Variants in CYP2C8 observed in about 807,000 individuals in gnomAD.
CYP2C8 encodes cytochrome P450 family 2 subfamily C member 8.
CYP2C8 carries 51 observed loss-of-function variants against 41.3 expected under a neutral mutation model. The ratio of observed to expected loss-of-function variants is 1.24; its 90% CI spans 0.99 to 1.56. The LOEUF is 1.56. Among genes scored for constraint, CYP2C8 ranks in the 40% most tolerant of loss-of-function variants. The pLI, the probability that CYP2C8 is intolerant of heterozygous loss-of-function variation, is 0.00. For synonymous variants in CYP2C8, 218 were observed against 205.8 expected (o/e 1.06, Z -0.51); for missense variants, 651 against 579.9 (o/e 1.12, Z -1.26).
At position 95,067,556 on chromosome 10, in the gene CYP2C8, T is replaced by C. The variant is rs780189252; in HGVS notation, c.304A>G (p.Ile102Val). The C allele has an allele frequency of 1.1e-5, 18 of 1,614,036 alleles. 1 individual carries two copies. In the Middle Eastern group the frequency reaches 8.2e-4, roughly 74 times the overall value. The change falls in exon 2 of 9, where the codon ATA (isoleucine) becomes GTA (valine). Residue 102 changes from isoleucine to valine, a missense_variant. Ile to Val is a conservative substitution (Grantham distance 29, BLOSUM62 3). Transcript: ENST00000371270. ...EEFSGRGNSP[I>V]SQRITKGLGI... ...AGTCCTTTAGTAATTCTTTGAGATA[T>C]TGGGGAATTGCCTCTTCCAGAAAAC...
chr10:95,053,434 A>G (rs2033248536), intron 5 of CYP2C8, among the ~76,000 whole-genome samples: 1 of 152,208 alleles, frequency 6.6e-6, no homozygotes, highest in South Asian at 2.1e-4. Flanking sequence ...TCAAAGGATT[A>G]TAAATCATTC....
intron 3 of CYP2C8, 141 bp from the exon 4 acceptor site, chr10:95,065,101 A>T (rs2033532353): frequency 2.7e-6 from 2 of 736,156 alleles, no homozygotes; most frequent in Non-Finnish European, 3.8e-6. Context: ...ATCAGCATGG[A>T]TGAAATAAAC....
chr10:95,052,254 T>C (rs777974888), intron 5 of CYP2C8, among the ~76,000 whole-genome samples: 31 of 152,038 alleles, frequency 2.0e-4, no homozygotes, highest in Admixed American at 5.9e-4. Context: ...AATTGAACCA[T>C]GAAGAAATCC....
At chr10:95,059,687 C>T (rs1289942290) in intron 4 of CYP2C8, among the ~76,000 whole-genome samples, 1 of 152,118 alleles carries the variant, frequency 6.6e-6, no homozygotes, top group African/African-American at 2.4e-5. Context: ...GTTGCCATTG[C>T]TTTTGGTGTT....
intron 3 of CYP2C8, 79 bp downstream of exon 3, chr10:95,067,128 AC>A (rs2033585856): frequency 2.5e-6 from 4 of 1,596,892 alleles, no homozygotes; most frequent in Non-Finnish European, 2.6e-6. Flanking sequence ...AGACCTGGCC[AC>A]CCCTGAAATG....
At chr10:95,048,977 TTAAAC>T (rs1252786705) in intron 5 of CYP2C8, among the ~76,000 whole-genome samples, 3 of 152,090 alleles carry the variant, frequency 2.0e-5, no homozygotes, top group Non-Finnish European at 2.9e-5. Flanking sequence ...TGGGACCTAA[TTAAAC>T]TAAAGAGCTT....
chr10:95,043,016 A>G lies in CYP2C8; in HGVS notation c.1023T>C (p.Asp341=), dbSNP rs1462446509. ...IGRHRSPCMQ[D]RSHMPYTDAV... ...CATCAGTGTAAGGCATGTGGCTCCT[A>G]TCCTGCATGCAGGGGCTCCTGTGTC... is the stretch of plus-strand genomic sequence containing the variant. Residue 341 remains aspartate (D), a synonymous_variant, in exon 7 of 9, where the codon GAT becomes GAC. Transcript: ENST00000371270. 1.9e-6 allele frequency: 3 copies of G among 1,614,088 alleles called. No individual in the cohort carries two copies. The highest frequency in any genetic ancestry group is 2.5e-6 in the Non-Finnish European group (3 of 1,180,014).
chr10:95,054,514 A>C (rs142559206), intron 5 of CYP2C8, among the ~76,000 whole-genome samples: 1 of 152,286 alleles, frequency 6.6e-6, no homozygotes, highest in African/African-American at 2.4e-5. Context: ...AAGTATATCC[A>C]ATTTCACTAC....
At chr10:95,054,061 G>A (rs920920626) in intron 5 of CYP2C8, among the ~76,000 whole-genome samples, 1 of 151,886 alleles carries the variant, frequency 6.6e-6, no homozygotes, top group African/African-American at 2.4e-5. Context: ...TAAAATCAGG[G>A]GGTAAAAAAA....
Position 95,064,898 on chromosome 10 carries a change from C to A in CYP2C8, c.544G>T (p.Val182Phe), listed in dbSNP as rs147150224. The A allele has an allele frequency of 6.2e-7, 1 of 1,613,566 alleles. No homozygotes were observed. Among genetic ancestry groups the A allele is most frequent in the East Asian group, 2.2e-5 (1 of 44,852 alleles). ...TTATAATCAAATCGTTTCTGGAAAA[C>A]AACGGAGCAGATCACATTGCAGGGA... ...CAPCNVICSVVFQKRFDYKDQ... is the reference protein window; with the variant it reads ...CAPCNVICSVFFQKRFDYKDQ... Residue 182 changes from valine to phenylalanine, a missense_variant, in exon 4 of 9, where the codon GTT becomes TTT. Transcript: ENST00000371270.
chr10:95,044,779 A>G (rs1442843744), intron 6 of CYP2C8, among the ~76,000 whole-genome samples: 1 of 152,076 alleles, frequency 6.6e-6, no homozygotes, highest in East Asian at 1.9e-4. Context: ...TGGGCAGGAG[A>G]GCCTCCCTTT....
At chr10:95,067,121 C>A (rs879625531) in intron 3 of CYP2C8, 87 bp downstream of exon 3, 3 of 1,589,858 alleles carry the variant, frequency 1.9e-6, no homozygotes, top group South Asian at 1.1e-5. Context: ...GCAATGAAGA[C>A]CTGGCCACCC....
intron 7 of CYP2C8, chr10:95,039,505 A>T (rs568231724): frequency 6.3e-5 from 11 of 173,298 alleles, no homozygotes; most frequent in Admixed American, 1.7e-4. Context: ...TGCAATAAGA[A>T]GTAAAAACTA....
At position 95,067,580 on chromosome 10, in the gene CYP2C8, A is replaced by T; in HGVS notation, c.280T>A (p.Phe94Ile). Residue 94 changes from phenylalanine (F) to isoleucine (I), a missense_variant, in exon 2 of 9, where the codon TTT (phenylalanine) becomes ATT (isoleucine). Physicochemically the swap from Phe to Ile is conservative, Grantham distance 21. Coordinates refer to ENST00000371270, the MANE Select transcript of CYP2C8 (RefSeq NM_000770.3). ...ATTGGGGAATTGCCTCTTCCAGAAA[A>T]CTCCTCTCCATTATCAATCAGGGCT... ...KEALIDNGEE[F>I]SGRGNSPISQ... 6.2e-7 allele frequency: 1 copy of T among 1,612,874 alleles called. No homozygotes were observed. Among genetic ancestry groups the T allele is most frequent in the Non-Finnish European group, 8.5e-7 (1 of 1,179,710 alleles).
chr10:95,057,888 T>C (rs2134427651), intron 5 of CYP2C8, among the ~76,000 whole-genome samples: 1 of 152,244 alleles, frequency 6.6e-6, no homozygotes, highest in Non-Finnish European at 1.5e-5. Context: ...ACTCATTCCA[T>C]CTGAAACCTT....
At position 95,062,276 on chromosome 10, in the gene CYP2C8, A is replaced by C. The variant is rs55678425; in HGVS notation, c.642+2524T>G. Among the ~76,000 whole-genome samples the C allele has an allele frequency of 6.9e-3, 1,046 of 152,230 alleles. 15 individuals are homozygous for C. Among genetic ancestry groups the C allele is most frequent in the African/African-American group, 0.024 (1,007 of 41,536 alleles). On this transcript the variant is annotated intron_variant, in intron 4 of 8. Coordinates refer to ENST00000371270, the MANE Select transcript of CYP2C8 (RefSeq NM_000770.3). Reference sequence around the variant, plus strand: ...CCCATTATTGTTGTGTGGGAGTCTAAGTCTCTTTATAGGTCTCTAAGGACT... The same window carrying C: ...CCCATTATTGTTGTGTGGGAGTCTACGTCTCTTTATAGGTCTCTAAGGACT...
chr10:95,055,430 A>G (rs1472703060), intron 5 of CYP2C8, among the ~76,000 whole-genome samples: 2 of 152,232 alleles, frequency 1.3e-5, no homozygotes, highest in Admixed American at 1.3e-4. Context: ...AGCCACATAC[A>G]AAAGAATGAA....
intron 3 of CYP2C8, among the ~76,000 whole-genome samples, chr10:95,066,954 G>T (rs2033582021): frequency 6.6e-6 from 1 of 152,078 alleles, no homozygotes. Context: ...TGAAAACAAG[G>T]AAACAAAATT....
intron 5 of CYP2C8, among the ~76,000 whole-genome samples, chr10:95,046,170 G>A (rs1028012541): frequency 4.6e-5 from 7 of 152,112 alleles, no homozygotes; most frequent in South Asian, 2.1e-4. Context: ...GAAATCATTC[G>A]CTGCTTAGGT....
Sources: allele counts gnomAD v4.1 joint callset (sites outside exome capture counted in the v4.1 genomes callset), GRCh38; gene constraint gnomAD v4.1.1; transcripts MANE v1.5; gene names NCBI Gene and HGNC (gene_info 2026-07-23, HGNC 2026-07-21).